Variants in PRKCE observed in about 807,000 individuals in gnomAD.
PRKCE encodes protein kinase C epsilon, also known as protein kinase C epsilon type.
PRKCE carries 16 observed loss-of-function variants against 85.4 expected under a neutral mutation model. That is an observed-to-expected ratio of 0.19 (90% CI 0.13 to 0.28). The LOEUF (loss-of-function observed/expected upper bound fraction) is 0.28, where lower values mean the gene tolerates loss of function less well. PRKCE is among the 10% of genes least tolerant of loss of function. PRKCE has a pLI of 1.00. For missense variants in PRKCE, 573 were observed against 975.2 expected (o/e 0.59, Z 5.49); for synonymous variants, 388 against 371.5 (o/e 1.04, Z -0.51).
At chr2:45,923,468 G>A (rs1992935) in intron 2 of PRKCE, among the ~76,000 whole-genome samples, 2,451 of 152,282 alleles carry the variant, frequency 0.016, 81 homozygotes, top group Admixed American at 0.079. Flanking sequence ...TCAATAGTAT[G>A]TATGACTTTG....
intron 1 of PRKCE, among the ~76,000 whole-genome samples, chr2:45,699,306 T>C (rs1042712755): frequency 4.6e-5 from 7 of 152,216 alleles, no homozygotes; most frequent in Non-Finnish European, 8.8e-5. Flanking sequence ...GTTATGTGTG[T>C]CTTTGTCTGT....
chr2:46,024,763 C>T (rs1031807155), intron 10 of PRKCE, among the ~76,000 whole-genome samples: 1 of 152,122 alleles, frequency 6.6e-6, no homozygotes, highest in African/African-American at 2.4e-5. Flanking sequence ...CAACCTATCC[C>T]CATGTGTTTT....
chr2:45,935,764 G>A (rs567256185), intron 2 of PRKCE, among the ~76,000 whole-genome samples: 65 of 143,062 alleles, frequency 4.5e-4, no homozygotes, highest in African/African-American at 1.5e-3. Flanking sequence ...CAGCCCACAC[G>A]ACAAAGTGAG....
rs41308186 is a variant in PRKCE, at chr2:46,001,564, G to C, written c.966+18G>C. On this transcript the variant is annotated intron_variant, in intron 7 of 14. Transcript: ENST00000306156. This position sits in a 1 kb window ranked among gnomAD's most constrained non-coding sequence, Gnocchi z 4.4. ...GGAAAAAGGTAACTGGCTGTTTGGT[G>C]GTGTTGCTGGAGCCCTTTTCAGGCT... 0.021 allele frequency: 32,830 copies of C among 1,595,296 alleles called. 498 individuals carry two copies. The highest frequency in any genetic ancestry group is 0.053 in the Middle Eastern group (319 of 6,032).
rs1294256395 is a variant in PRKCE, at chr2:46,184,831, C to G, written c.2164C>G (p.Gln722Glu). 1 of 1,599,764 alleles carries G rather than the reference C, an allele frequency of 6.3e-7. No individual in the cohort carries two copies. The highest frequency in any genetic ancestry group is 1.7e-5 in the Admixed American group (1 of 60,024). Reference sequence around the variant, plus strand: ...CGAAGCAATTGTAAAGCAGATCAACCAGGAGGAATTCAAAGGTTTCTCCTA... The same window carrying G: ...CGAAGCAATTGTAAAGCAGATCAACGAGGAGGAATTCAAAGGTTTCTCCTA... ...VDEAIVKQIN[Q>E]EEFKGFSYFG... The change falls in exon 15 of 15, where the codon CAG becomes GAG. Residue 722 changes from glutamine (Q) to glutamate (E), a missense_variant. Coordinates refer to ENST00000306156, the MANE Select transcript of PRKCE (RefSeq NM_005400.3). This position sits in a 1 kb window ranked among gnomAD's most constrained non-coding sequence, Gnocchi z 5.0.
intron 1 of PRKCE, among the ~76,000 whole-genome samples, chr2:45,815,104 G>A (rs1289425042): frequency 1.3e-5 from 2 of 152,086 alleles, no homozygotes; most frequent in East Asian, 3.9e-4. Flanking sequence ...TTACCCTGTG[G>A]CATAATTTAG....
At chr2:45,891,168 C>A (rs190681409) in intron 2 of PRKCE, among the ~76,000 whole-genome samples, 1 of 152,142 alleles carries the variant, frequency 6.6e-6, no homozygotes, top group African/African-American at 2.4e-5. Context: ...TAGATTTACC[C>A]GACACACACT....
intron 1 of PRKCE, among the ~76,000 whole-genome samples, chr2:45,724,140 C>T (rs759259499): frequency 3.9e-5 from 6 of 152,260 alleles, no homozygotes; most frequent in South Asian, 4.2e-4. Flanking sequence ...TTGTGGCAAG[C>T]CTGTGTCAGT....
chr2:46,108,263 C>T (rs1425482416), intron 11 of PRKCE, among the ~76,000 whole-genome samples: 1 of 152,162 alleles, frequency 6.6e-6, no homozygotes, highest in Non-Finnish European at 1.5e-5. Flanking sequence ...AATCCTTTAT[C>T]AGATAAGTGT....
In PRKCE at chr2:46,135,746, CTTT is replaced by C. The variant is rs11417233; in HGVS notation, c.1593-9322_1593-9320del. Among the ~76,000 whole-genome samples, 60 of 20,656 alleles carry C rather than the reference CTTT, an allele frequency of 2.9e-3. 1 individual carries two copies. The highest frequency in any genetic ancestry group is 0.013 in the African/African-American group (49 of 3,864). The allele number at this position is 20,656 out of a possible 152,430, so 13.6% of individuals were successfully genotyped here. A position where few individuals can be genotyped will look rare whatever the true frequency, so the allele number is the denominator to read the frequency against. On this transcript the variant is annotated intron_variant, in intron 11 of 14. Coordinates refer to ENST00000306156, the MANE Select transcript of PRKCE (RefSeq NM_005400.3). ...ACCTTGGGTTCAGAAACAAATTATG[CTTT>C]TTTTTTTTTTTTTTTTTTTTTTTTA...
At chr2:46,022,777 T>C (rs1280147408) in intron 10 of PRKCE, among the ~76,000 whole-genome samples, 3 of 152,208 alleles carry the variant, frequency 2.0e-5, no homozygotes, top group South Asian at 2.1e-4. Context: ...TTCTGTCTTA[T>C]CCAGTTAACA....
At chr2:45,655,331 A>G (rs1371625513) in intron 1 of PRKCE, among the ~76,000 whole-genome samples, 1 of 150,580 alleles carries the variant, frequency 6.6e-6, no homozygotes, top group African/African-American at 2.4e-5. Context: ...ACACTTTCCT[A>G]AAACGTTATA....
intron 10 of PRKCE, among the ~76,000 whole-genome samples, chr2:46,014,086 G>T (rs776151053): frequency 6.6e-6 from 1 of 152,164 alleles, no homozygotes; most frequent in Admixed American, 6.5e-5. Flanking sequence ...TGCTCCATCC[G>T]CTCCATGGGA....
At chr2:45,672,258 C>A (rs918937087) in intron 1 of PRKCE, among the ~76,000 whole-genome samples, 4 of 150,552 alleles carry the variant, frequency 2.7e-5, no homozygotes, top group African/African-American at 1.0e-4. Flanking sequence ...ATCCATCCAT[C>A]CATCCATCCA....
At chr2:45,710,755 C>T (rs911637682) in intron 1 of PRKCE, among the ~76,000 whole-genome samples, 1 of 152,206 alleles carries the variant, frequency 6.6e-6, no homozygotes, top group South Asian at 2.1e-4. Context: ...CAGAGATGCT[C>T]AGGCCTGACT....
At chr2:45,825,730 TA>T (rs148179203) in intron 1 of PRKCE, among the ~76,000 whole-genome samples, 3 of 151,702 alleles carry the variant, frequency 2.0e-5, no homozygotes, top group African/African-American at 4.8e-5. Flanking sequence ...CAAAGTATGT[TA>T]AAAAAAATTA....
chr2:45,872,421 C>T (rs968174745), intron 2 of PRKCE, among the ~76,000 whole-genome samples: 2 of 152,182 alleles, frequency 1.3e-5, no homozygotes, highest in African/African-American at 4.8e-5. Flanking sequence ...CTGACCTTGG[C>T]TCTGAATTAA....
At chr2:45,937,439 G>A (rs1196365054) in intron 2 of PRKCE, among the ~76,000 whole-genome samples, 2 of 152,202 alleles carry the variant, frequency 1.3e-5, no homozygotes, top group Non-Finnish European at 1.5e-5. Context: ...ATGGCCACAC[G>A]TGGTGGCTCA....
chr2:45,965,932 TAATC>T (rs1701700874), intron 2 of PRKCE, among the ~76,000 whole-genome samples: 1 of 152,162 alleles, frequency 6.6e-6, no homozygotes, highest in African/African-American at 2.4e-5. Context: ...TGCCATGACT[TAATC>T]AGTCCCCCTC....
Sources: allele counts gnomAD v4.1 joint callset (sites outside exome capture counted in the v4.1 genomes callset), GRCh38; gene constraint gnomAD v4.1.1; non-coding constraint Gnocchi (gnomAD v3.1); transcripts MANE v1.5; gene names NCBI Gene and HGNC (gene_info 2026-07-23, HGNC 2026-07-21).